PLCH1: variants seen among roughly 807,000 people sequenced by gnomAD.
The protein encoded by PLCH1 is 1-phosphatidylinositol 4,5-bisphosphate phosphodiesterase eta-1.
In PLCH1, 60 loss-of-function variants were observed where a neutral mutation model predicts 126.7. The ratio of observed to expected loss-of-function variants is 0.47; its 90% CI spans 0.38 to 0.59. The LOEUF (loss-of-function observed/expected upper bound fraction) is 0.59, where lower values mean the gene tolerates loss of function less well. Among genes scored for constraint, PLCH1 ranks in the 20% least tolerant of loss-of-function variants. The pLI is 0.00. For synonymous variants in PLCH1, 719 were observed against 734.9 expected (o/e 0.98, Z 0.35); for missense variants, 1,723 against 2,040.0 (o/e 0.84, Z 2.99).
At chr3:155,633,672 A>G (rs1357282461) in intron 2 of PLCH1, among the ~76,000 whole-genome samples, 1 of 152,228 alleles carries the variant, frequency 6.6e-6, no homozygotes, top group Non-Finnish European at 1.5e-5. Context: ...TATAATGCCA[A>G]CACTTTGGGA....
intron 2 of PLCH1, among the ~76,000 whole-genome samples, chr3:155,660,614 T>C (rs1384959409): frequency 6.6e-6 from 1 of 152,234 alleles, no homozygotes; most frequent in Non-Finnish European, 1.5e-5. Flanking sequence ...TCCTGAACTT[T>C]AGCTGAATAA....
intron 21 of PLCH1, chr3:155,486,134 G>A: frequency 6.6e-7 from 1 of 1,507,864 alleles, no homozygotes; most frequent in Non-Finnish European, 9.0e-7. Context: ...AAAGCACCAT[G>A]CTGAGAAACT....
chr3:155,744,673 TC>T (rs1749860325), intron 1 of PLCH1, among the ~76,000 whole-genome samples, 166 bp downstream of exon 1: 1 of 151,952 alleles, frequency 6.6e-6, no homozygotes, highest in Non-Finnish European at 1.5e-5. Flanking sequence ...CCTTAGGGGA[TC>T]CCCACGCACA....
intron 2 of PLCH1, among the ~76,000 whole-genome samples, chr3:155,674,451 G>C (rs1020834938): frequency 5.3e-5 from 8 of 152,090 alleles, no homozygotes; most frequent in African/African-American, 1.9e-4. Flanking sequence ...CACACACTCA[G>C]ATATAGAGTT....
At chr3:155,648,578 G>A (rs1035015262) in intron 2 of PLCH1, among the ~76,000 whole-genome samples, 3 of 152,164 alleles carry the variant, frequency 2.0e-5, no homozygotes, top group Admixed American at 6.5e-5. Flanking sequence ...CAAATAAATC[G>A]TGAGCATCTA....
At chr3:155,732,877 CAAA>C (rs71155063) in intron 1 of PLCH1, among the ~76,000 whole-genome samples, 2,090 of 80,244 alleles carry the variant, frequency 0.026, 16 homozygotes, top group South Asian at 0.057. Context: ...GACTGCATCT[CAAA>C]AAAAAAAAAA....
chr3:155,595,306 C>T (rs143729710), intron 3 of PLCH1, among the ~76,000 whole-genome samples: 2 of 152,296 alleles, frequency 1.3e-5, no homozygotes, highest in African/African-American at 4.8e-5. Context: ...TATTTTTGGT[C>T]TGTGTGCTTG....
intron 2 of PLCH1, among the ~76,000 whole-genome samples, chr3:155,655,251 T>C (rs943573894): frequency 3.3e-5 from 5 of 152,010 alleles, no homozygotes; most frequent in African/African-American, 9.7e-5. Context: ...GCCTGAGCAA[T>C]ATGGCAAAGC....
intron 21 of PLCH1, chr3:155,457,281 C>T (rs967103878): frequency 2.0e-5 from 3 of 152,330 alleles, no homozygotes; most frequent in African/African-American, 4.8e-5. Flanking sequence ...TTCTAGCAGG[C>T]TGTAAATGGG....
chr3:155,627,446 T>A lies in PLCH1; in HGVS notation c.80-31068A>T, dbSNP rs1180401908. ...GAGATCGAGACCATCCTGGCTAACA[T>A]GGTGAAACCCCGTCTCTACCAAAAA... is the stretch of plus-strand genomic sequence containing the variant. On this transcript the variant is annotated intron_variant, in intron 2 of 22. Transcript: ENST00000460012. Among the ~76,000 whole-genome samples, 3 of 149,912 alleles carry A rather than the reference T, an allele frequency of 2.0e-5. No homozygotes were observed. The South Asian group carries it at 6.5e-4, about 32-fold the overall frequency.
chr3:155,510,257 G>C (rs1244551492), intron 12 of PLCH1, among the ~76,000 whole-genome samples: 1 of 105,728 alleles, frequency 9.5e-6, no homozygotes, highest in Non-Finnish European at 1.8e-5. Context: ...GTCTCTGCAC[G>C]TGAGATGGGT....
chr3:155,543,414 G>T (rs1462720646), intron 10 of PLCH1, among the ~76,000 whole-genome samples: 9 of 152,154 alleles, frequency 5.9e-5, no homozygotes, highest in Admixed American at 1.3e-4. Flanking sequence ...ACGTCTGATT[G>T]GTGTACCTGA....
intron 21 of PLCH1, among the ~76,000 whole-genome samples, chr3:155,466,057 A>T (rs1031205809): frequency 3.3e-5 from 5 of 152,128 alleles, no homozygotes; most frequent in African/African-American, 1.2e-4. Flanking sequence ...GGTCTATGAG[A>T]TTTCACCGCC....
intron 9 of PLCH1, 90 bp from the exon 10 acceptor site, chr3:155,550,048 C>A: frequency 1.1e-6 from 1 of 873,732 alleles, no homozygotes. Flanking sequence ...TGTGTTGTTA[C>A]AATCCTAGTG....
intron 2 of PLCH1, among the ~76,000 whole-genome samples, chr3:155,634,386 G>A (rs1439935588): frequency 1.3e-5 from 2 of 152,062 alleles, no homozygotes; most frequent in African/African-American, 2.4e-5. Flanking sequence ...AGTTTTGGGG[G>A]AAAAGCCTCT....
chr3:155,471,620 A>G (rs1455305894), intron 21 of PLCH1, among the ~76,000 whole-genome samples: 19 of 147,248 alleles, frequency 1.3e-4, no homozygotes, highest in African/African-American at 3.5e-4. Context: ...TCAACAGAAT[A>G]TACATTTTTT....
At chr3:155,655,463 A>G (rs1465440203) in intron 2 of PLCH1, among the ~76,000 whole-genome samples, 1 of 151,998 alleles carries the variant, frequency 6.6e-6, no homozygotes, top group Non-Finnish European at 1.5e-5. Context: ...AAGAAGAGAA[A>G]ATATTCCCCT....
chr3:155,469,936 C>G (rs1276839292), intron 21 of PLCH1, among the ~76,000 whole-genome samples: 2 of 152,274 alleles, frequency 1.3e-5, no homozygotes, highest in Admixed American at 1.3e-4. Context: ...ACATCATCAT[C>G]ATCAAAGACC....
At chr3:155,526,452 TCTC>T (rs1721934589) in intron 10 of PLCH1, among the ~76,000 whole-genome samples, 2 of 148,708 alleles carry the variant, frequency 1.3e-5, no homozygotes, top group African/African-American at 5.0e-5. Context: ...TTTTTCTCTC[TCTC>T]TTCTCTCTTT....
Sources: allele counts gnomAD v4.1 joint callset (sites outside exome capture counted in the v4.1 genomes callset), GRCh38; gene constraint gnomAD v4.1.1; transcripts MANE v1.5; gene names NCBI Gene and HGNC (gene_info 2026-07-23, HGNC 2026-07-21).